MGMT: variants seen among roughly 807,000 people sequenced by gnomAD.
MGMT encodes methylated-DNA--protein-cysteine methyltransferase.
In MGMT, 14 loss-of-function variants were observed where a neutral mutation model predicts 15.9. The observed-to-expected ratio is 0.88, with a 90% CI of 0.58 to 1.37. The LOEUF (loss-of-function observed/expected upper bound fraction) is 1.37, where lower values mean the gene tolerates loss of function less well. MGMT is among the 40% of genes most tolerant of loss of function. MGMT has a pLI of 0.00. For missense variants in MGMT, 282 were observed against 268.1 expected, an observed-to-expected ratio of 1.05 and a Z score of -0.36; for synonymous variants, 130 against 118.2, an observed-to-expected ratio of 1.10 and a Z score of -0.65.
At chr10:129,678,881 C>T (rs539201184) in intron 2 of MGMT, among the ~76,000 whole-genome samples, 14 of 151,986 alleles carry the variant, frequency 9.2e-5, no homozygotes, top group South Asian at 6.2e-4. Context: ...AGACCAGTCC[C>T]GGCCAACATG....
At chr10:129,617,201 A>T (rs1847037789) in intron 2 of MGMT, among the ~76,000 whole-genome samples, 1 of 152,038 alleles carries the variant, frequency 6.6e-6, no homozygotes. Flanking sequence ...GTTAGCACCC[A>T]CCTCTAAGTG....
intron 2 of MGMT, among the ~76,000 whole-genome samples, chr10:129,657,701 A>ACACG (rs1554874790): frequency 2.8e-4 from 37 of 131,218 alleles, no homozygotes; most frequent in African/African-American, 9.7e-4. Flanking sequence ...ACACACACAC[A>ACACG]CACACGCACA....
intron 2 of MGMT, among the ~76,000 whole-genome samples, chr10:129,665,185 CACCCCCCCACCT>C (rs1417301300): frequency 7.9e-5 from 6 of 75,606 alleles, no homozygotes; most frequent in East Asian, 3.9e-4. Flanking sequence ...CCCACTCACC[CACCCCCCCACCT>C]ACCCACTCAC....
chr10:129,765,200 A>C (rs1848919631), intron 4 of MGMT, among the ~76,000 whole-genome samples: 1 of 151,648 alleles, frequency 6.6e-6, no homozygotes, highest in Admixed American at 6.6e-5. Flanking sequence ...CCTGCTCCCC[A>C]GGCGCCAGGA....
chr10:129,610,340 CT>C (rs1252638949), intron 2 of MGMT, among the ~76,000 whole-genome samples: 1 of 152,236 alleles, frequency 6.6e-6, no homozygotes, highest in Non-Finnish European at 1.5e-5. Flanking sequence ...CCCTTTCTCT[CT>C]AAACTCCTCT....
At chr10:129,577,551 A>G (rs559309768) in intron 2 of MGMT, among the ~76,000 whole-genome samples, 1 of 152,350 alleles carries the variant, frequency 6.6e-6, no homozygotes, top group African/African-American at 2.4e-5. Flanking sequence ...TGGATTAAAG[A>G]CTTAAATGTT....
intron 2 of MGMT, among the ~76,000 whole-genome samples, chr10:129,705,138 G>T (rs559123095): frequency 6.6e-6 from 1 of 152,212 alleles, no homozygotes; most frequent in African/African-American, 2.4e-5. Context: ...TGTCGCAGAC[G>T]CAGGCCCATG....
chr10:129,740,101 A>G (rs1848613765), intron 3 of MGMT, among the ~76,000 whole-genome samples: 1 of 152,262 alleles, frequency 6.6e-6, no homozygotes. Flanking sequence ...AGCAGAGCCA[A>G]GAATCAGTCT....
At chr10:129,740,112 G>T (rs936507895) in intron 3 of MGMT, among the ~76,000 whole-genome samples, 5 of 152,250 alleles carry the variant, frequency 3.3e-5, no homozygotes, top group Admixed American at 3.3e-4. Flanking sequence ...GAATCAGTCT[G>T]CAGGGAGCAA....
At chr10:129,599,386 A>G (rs1353437688) in intron 2 of MGMT, among the ~76,000 whole-genome samples, 1 of 152,258 alleles carries the variant, frequency 6.6e-6, no homozygotes, top group East Asian at 1.9e-4. Flanking sequence ...ACTAGGAAGT[A>G]GTCATGTACA....
In MGMT at chr10:129,649,332, T is replaced by C. The variant is rs377632959; in HGVS notation, c.126-58563T>C. On this transcript the variant is annotated intron_variant, in intron 2 of 4. Transcript: ENST00000651593. ...GTGATTGATGTACATTCTGTGTCGCTGTATCTTCCCGCGACGTGGTAATGC... is the reference window on the plus strand; with the variant it reads ...GTGATTGATGTACATTCTGTGTCGCCGTATCTTCCCGCGACGTGGTAATGC... Among the ~76,000 whole-genome samples the C allele has an allele frequency of 2.4e-4, 37 of 152,156 alleles. 1 individual carries two copies. The highest frequency in any genetic ancestry group is 3.4e-3 in the Middle Eastern group (1 of 294).
chr10:129,542,502 G>C (rs1347662501), intron 2 of MGMT, among the ~76,000 whole-genome samples: 2 of 152,184 alleles, frequency 1.3e-5, no homozygotes, highest in Non-Finnish European at 2.9e-5. Context: ...CAAACACTTA[G>C]AGAAGCACTG....
chr10:129,557,816 G>A (rs1047823868), intron 2 of MGMT, among the ~76,000 whole-genome samples: 9 of 152,166 alleles, frequency 5.9e-5, no homozygotes, highest in Non-Finnish European at 7.3e-5. Context: ...GCCTAGGTTT[G>A]TAGTCAACTT....
chr10:129,719,160 C>T (rs917822001), intron 3 of MGMT, among the ~76,000 whole-genome samples: 13 of 145,690 alleles, frequency 8.9e-5, no homozygotes, highest in African/African-American at 2.1e-4. Context: ...TCTGTGTGCC[C>T]GCTCAGGCGT....
intron 2 of MGMT, among the ~76,000 whole-genome samples, chr10:129,671,943 C>G (rs1198581776): frequency 6.6e-6 from 1 of 152,210 alleles, no homozygotes; most frequent in Non-Finnish European, 1.5e-5. Context: ...GAATTTACAA[C>G]AAAGAGTATT....
intron 3 of MGMT, among the ~76,000 whole-genome samples, chr10:129,738,615 G>A (rs1162931350): frequency 6.6e-6 from 1 of 152,186 alleles, no homozygotes; most frequent in Non-Finnish European, 1.5e-5. Flanking sequence ...ATCATTGATG[G>A]GCATTTGGGT....
rs10634898 is a variant in MGMT, at chr10:129,660,775, A to AACAC, written c.126-47099_126-47096dup. On this transcript the variant is annotated intron_variant, in intron 2 of 4. Coordinates refer to ENST00000651593, the MANE Select transcript of MGMT (RefSeq NM_002412.5). ...ACAAAGAGGAAGATCCCCCACCCCC[A>AACAC]ACACACACACACACACACACACACG... 9.1e-3 allele frequency among the ~76,000 whole-genome samples: 1,364 copies of AACAC among 149,106 alleles called. 13 individuals are homozygous for AACAC. The highest frequency in any genetic ancestry group is 0.02 in the East Asian group (101 of 5,050).
chr10:129,525,639 C>T (rs908211803), intron 1 of MGMT, among the ~76,000 whole-genome samples: 2 of 152,072 alleles, frequency 1.3e-5, no homozygotes, highest in African/African-American at 2.4e-5. Context: ...GGGCCGGCTC[C>T]GATGACAGTA....
At chr10:129,518,337 T>TACACACACACACACAC (rs61316662) in intron 1 of MGMT, among the ~76,000 whole-genome samples, 4,352 of 119,246 alleles carry the variant, frequency 0.036, 103 homozygotes, top group East Asian at 0.12. Flanking sequence ...TACACACACA[T>TACACACACACACACAC]ACACACACAC....
Sources: allele counts gnomAD v4.1 joint callset (sites outside exome capture counted in the v4.1 genomes callset), GRCh38; gene constraint gnomAD v4.1.1; transcripts MANE v1.5; gene names NCBI Gene and HGNC (gene_info 2026-07-23, HGNC 2026-07-21).